The following TAFA4 variants were observed in gnomAD, a reference collection of about 807,000 sequenced individuals.
The protein encoded by TAFA4 is chemokine-like protein TAFA-4.
Under a neutral mutation model 21.1 loss-of-function variants are expected in TAFA4, and 20 were observed. That is an observed-to-expected ratio of 0.95 (90% CI 0.67 to 1.38). The LOEUF (loss-of-function observed/expected upper bound fraction) is 1.38, where lower values mean the gene tolerates loss of function less well. TAFA4 is among the 40% of genes most tolerant of loss of function. The pLI is 0.00. For synonymous variants in TAFA4, 71 were observed against 67.4 expected (o/e 1.05, Z -0.26); for missense variants, 211 against 180.9 (o/e 1.17, Z -0.95).
At chr3:68,909,492 T>A (rs1023511157) in intron 1 of TAFA4, among the ~76,000 whole-genome samples, 1 of 152,046 alleles carries the variant, frequency 6.6e-6, no homozygotes, top group Non-Finnish European at 1.5e-5. Flanking sequence ...ACCCATGAAA[T>A]AGGAAACTGT....
chr3:68,895,940 A>T lies in TAFA4; in HGVS notation c.-122-10630T>A, dbSNP rs374870629. On this transcript the variant is annotated intron_variant, in intron 1 of 5. Transcript: ENST00000295569. ...GGTTAGCTACTTGGAGTGGGTGTTC[A>T]GGGATGGCCTGGCCTCACTGAGAAG... Among the ~76,000 whole-genome samples the T allele has an allele frequency of 1.7e-4, 26 of 152,362 alleles. No individual in the cohort carries two copies. In the East Asian group the frequency reaches 2.5e-3, roughly 15 times the overall value.
At chr3:68,881,253 A>C (rs2089615179) in intron 2 of TAFA4, among the ~76,000 whole-genome samples, 1 of 152,206 alleles carries the variant, frequency 6.6e-6, no homozygotes, top group African/African-American at 2.4e-5. Context: ...CATGTGGTCC[A>C]AGAACTTTCT....
At chr3:68,863,584 A>G (rs1261275681) in intron 3 of TAFA4, among the ~76,000 whole-genome samples, 6 of 152,186 alleles carry the variant, frequency 3.9e-5, no homozygotes, top group Non-Finnish European at 7.4e-5. Context: ...AACTGAGACC[A>G]AGAGAGTAAA....
chr3:68,806,185 G>C (rs1443230827), intron 3 of TAFA4, among the ~76,000 whole-genome samples: 1 of 150,204 alleles, frequency 6.7e-6, no homozygotes, highest in South Asian at 2.1e-4. Context: ...TCAGGAAACA[G>C]AAAAAAAAAT....
chr3:68,837,520 C>T (rs77898408), intron 3 of TAFA4, among the ~76,000 whole-genome samples: 1 of 152,174 alleles, frequency 6.6e-6, no homozygotes, highest in African/African-American at 2.4e-5. Context: ...ATCAGAATCA[C>T]ATATGGGGCT....
At chr3:68,872,711 C>A (rs987522609) in intron 3 of TAFA4, among the ~76,000 whole-genome samples, 2 of 152,044 alleles carry the variant, frequency 1.3e-5, no homozygotes, top group Non-Finnish European at 2.9e-5. Context: ...TAAGAAAATG[C>A]ATTAAATTCC....
chr3:68,892,005 T>C (rs2089734960), intron 1 of TAFA4, among the ~76,000 whole-genome samples: 1 of 152,176 alleles, frequency 6.6e-6, no homozygotes, highest in Admixed American at 6.5e-5. Context: ...ATGATCTTCT[T>C]ATATTAAAGA....
intron 3 of TAFA4, among the ~76,000 whole-genome samples, chr3:68,863,568 T>G (rs2089378641): frequency 6.6e-6 from 1 of 151,994 alleles, no homozygotes; most frequent in Admixed American, 6.5e-5. Flanking sequence ...ATCTAACAGC[T>G]GTAAAAACTG....
At chr3:68,861,698 G>A (rs1017096293) in intron 3 of TAFA4, among the ~76,000 whole-genome samples, 1 of 151,796 alleles carries the variant, frequency 6.6e-6, no homozygotes, top group Non-Finnish European at 1.5e-5. Flanking sequence ...ACACCCTCAG[G>A]GAAAAATACC....
chr3:68,792,040 G>T (rs1703371204), intron 3 of TAFA4, among the ~76,000 whole-genome samples: 1 of 152,080 alleles, frequency 6.6e-6, no homozygotes, highest in African/African-American at 2.4e-5. Flanking sequence ...ATATGTAATG[G>T]CCTACTAATG....
At chr3:68,907,766 A>G (rs1188235715) in intron 1 of TAFA4, among the ~76,000 whole-genome samples, 2 of 152,240 alleles carry the variant, frequency 1.3e-5, no homozygotes, top group African/African-American at 4.8e-5. Flanking sequence ...TGAAGTAGCC[A>G]CAACATCGAT....
chr3:68,779,394 T>C (rs1703111404), intron 3 of TAFA4, among the ~76,000 whole-genome samples: 1 of 152,024 alleles, frequency 6.6e-6, no homozygotes, highest in Non-Finnish European at 1.5e-5. Flanking sequence ...ACCAAGACAA[T>C]GGGAAAATGT....
intron 1 of TAFA4, among the ~76,000 whole-genome samples, chr3:68,914,444 G>T (rs910304034): frequency 1.3e-5 from 2 of 152,032 alleles, no homozygotes; most frequent in Non-Finnish European, 2.9e-5. Context: ...ATTAAGATTT[G>T]GACACTTTAT....
At chr3:68,836,671 T>C (rs1704529983) in intron 3 of TAFA4, among the ~76,000 whole-genome samples, 2 of 152,230 alleles carry the variant, frequency 1.3e-5, no homozygotes, top group Non-Finnish European at 2.9e-5. Context: ...GTTGTTCTCA[T>C]GGAAGTTACA....
At chr3:68,794,057 A>AT (rs1264532464) in intron 3 of TAFA4, among the ~76,000 whole-genome samples, 7 of 152,084 alleles carry the variant, frequency 4.6e-5, no homozygotes, top group Non-Finnish European at 1.0e-4. Context: ...ATAAACCCTG[A>AT]TTTTTTTCAA....
intron 1 of TAFA4, among the ~76,000 whole-genome samples, chr3:68,917,003 A>G (rs2090010212): frequency 1.3e-5 from 2 of 152,170 alleles, no homozygotes; most frequent in South Asian, 4.1e-4. Context: ...CAGGGTTCCA[A>G]TTACTAAGGT....
At chr3:68,739,365 ATTTT>A (rs951752432) in intron 4 of TAFA4, among the ~76,000 whole-genome samples, 166 bp from the exon 5 acceptor site, 1 of 152,172 alleles carries the variant, frequency 6.6e-6, no homozygotes, top group Non-Finnish European at 1.5e-5. Flanking sequence ...AAAATATTTC[ATTTT>A]TTTATTAAAA....
chr3:68,742,815 C>G (rs1397231523), intron 4 of TAFA4, among the ~76,000 whole-genome samples: 1 of 152,190 alleles, frequency 6.6e-6, no homozygotes, highest in Admixed American at 6.5e-5. Context: ...GTCACAGAGT[C>G]TGAAAACAGT....
chr3:68,864,810 T>C (rs887387143), intron 3 of TAFA4, among the ~76,000 whole-genome samples: 1 of 151,912 alleles, frequency 6.6e-6, no homozygotes, highest in African/African-American at 2.4e-5. Context: ...AAAGAACCCA[T>C]ATATATGCAG....
Sources: gnomAD v4.1 joint callset for allele counts (sites outside exome capture counted in the v4.1 genomes callset) on GRCh38, gnomAD v4.1.1 for gene constraint, MANE v1.5 for transcripts, NCBI Gene and HGNC (gene_info 2026-07-23, HGNC 2026-07-21) for gene names.